SNX29: variants seen among roughly 807,000 people sequenced by gnomAD.
SNX29 encodes sorting nexin 29.
In SNX29, 78 loss-of-function variants were observed where a neutral mutation model predicts 102.1. That is an observed-to-expected ratio of 0.76 (90% CI 0.64 to 0.92). The LOEUF (loss-of-function observed/expected upper bound fraction) is 0.92, where lower values mean the gene tolerates loss of function less well. Among genes scored for constraint, SNX29 ranks in the 40% least tolerant of loss-of-function variants. SNX29 has a pLI of 0.00. For synonymous variants in SNX29, 580 were observed against 414.5 expected (o/e 1.40, Z -4.85); for missense variants, 1,280 against 1,061.7 (o/e 1.21, Z -2.86).
In SNX29 at chr16:12,554,751, T is replaced by C. The variant is rs563452579; in HGVS notation, c.2319-13755T>C. ...TTTCAGTTTGCATTTTCCTTAAGTG[T>C]ATTAGAACGTGCTCTCTCCCCCGCC... On this transcript the variant is annotated intron_variant, in intron 20 of 20. Transcript: ENST00000566228. Among the ~76,000 whole-genome samples, 19 of 152,234 alleles carry C rather than the reference T, an allele frequency of 1.2e-4. 2 individuals are homozygous for C. The highest frequency in any genetic ancestry group is 4.6e-4 in the African/African-American group (19 of 41,532).
intron 20 of SNX29, among the ~76,000 whole-genome samples, chr16:12,540,327 C>A (rs1007812272): frequency 6.6e-6 from 1 of 152,112 alleles, no homozygotes; most frequent in Admixed American, 6.5e-5. Flanking sequence ...GACCACAGCT[C>A]TTATGATTAA....
At chr16:12,064,884 C>T (rs1236430032) in intron 9 of SNX29, among the ~76,000 whole-genome samples, 2 of 152,242 alleles carry the variant, frequency 1.3e-5, no homozygotes, top group Non-Finnish European at 2.9e-5. Context: ...CATTCCCTCT[C>T]ATTCTGGAGC....
At chr16:12,567,663 G>A (rs1015925103) in intron 20 of SNX29, among the ~76,000 whole-genome samples, 2 of 152,172 alleles carry the variant, frequency 1.3e-5, no homozygotes, top group African/African-American at 4.8e-5. Context: ...TCAGGAGGCT[G>A]AGGTGAGAGG....
At chr16:12,239,632 G>A (rs931986631) in intron 14 of SNX29, among the ~76,000 whole-genome samples, 1 of 89,450 alleles carries the variant, frequency 1.1e-5, no homozygotes, top group Non-Finnish European at 2.0e-5. Context: ...GTGAGACCCT[G>A]TTTCTACAAA....
chr16:12,131,977 A>G (rs2054486129), intron 13 of SNX29, among the ~76,000 whole-genome samples: 1 of 152,034 alleles, frequency 6.6e-6, no homozygotes, highest in Non-Finnish European at 1.5e-5. Flanking sequence ...CACCTGGACC[A>G]CCCTTTTGCC....
intron 20 of SNX29, among the ~76,000 whole-genome samples, chr16:12,525,705 C>A (rs1434123058): frequency 7.7e-6 from 1 of 129,156 alleles, no homozygotes; most frequent in Non-Finnish European, 1.6e-5. Flanking sequence ...CCCACCCCCC[C>A]CCCCAAAAAA....
In SNX29 at chr16:12,219,053, T is replaced by C. The variant is rs182266500; in HGVS notation, c.1678+19370T>C. ...CCTCCCAAAGTGCTGGGATTACAGG[T>C]GTGAGCCACCGCGCCTGGCCCTGTT... On this transcript the variant is annotated intron_variant, in intron 14 of 20. Transcript: ENST00000566228. Among the ~76,000 whole-genome samples, 680 of 152,204 alleles carry C rather than the reference T, an allele frequency of 4.5e-3. 7 individuals are homozygous for C. Among genetic ancestry groups the C allele is most frequent in the African/African-American group, 0.015 (623 of 41,532 alleles).
intron 18 of SNX29, among the ~76,000 whole-genome samples, chr16:12,414,760 C>T (rs755289385): frequency 2.6e-5 from 4 of 152,192 alleles, no homozygotes; most frequent in Non-Finnish European, 5.9e-5. Context: ...GACTCTGTGT[C>T]TCCAAGGCTG....
At chr16:11,997,818 T>C (rs1207737346) in intron 1 of SNX29, among the ~76,000 whole-genome samples, 1 of 152,198 alleles carries the variant, frequency 6.6e-6, no homozygotes, top group Non-Finnish European at 1.5e-5. Context: ...ATGGATCTTT[T>C]ACACCATTTA....
intron 13 of SNX29, among the ~76,000 whole-genome samples, chr16:12,168,439 C>A (rs1386229567): frequency 2.0e-5 from 3 of 152,288 alleles, no homozygotes; most frequent in Non-Finnish European, 4.4e-5. Context: ...GAGAATCGAA[C>A]CAACTTTGTT....
chr16:12,200,934 G>A (rs556401642), intron 14 of SNX29, among the ~76,000 whole-genome samples: 1 of 152,314 alleles, frequency 6.6e-6, no homozygotes, highest in South Asian at 2.1e-4. Context: ...TGAATTCAGA[G>A]TTTCTAGTAT....
rs774693359 is a variant in SNX29, at chr16:12,421,547, A to T, written c.2037+18018A>T. On this transcript the variant is annotated intron_variant, in intron 18 of 20. Coordinates refer to ENST00000566228, the MANE Select transcript of SNX29 (RefSeq NM_032167.5). ...GAAAACACTGGCCTCTTACTCTGTA[A>T]CTGCAGCCGTAACTAGAATTTTCCT... Among the ~76,000 whole-genome samples, 115 of 152,348 alleles carry T rather than the reference A, an allele frequency of 7.5e-4. 1 individual carries two copies. Among genetic ancestry groups the T allele is most frequent in the Non-Finnish European group, 1.4e-3 (98 of 68,022 alleles).
intron 13 of SNX29, chr16:12,135,593 A>T: frequency 7.5e-7 from 1 of 1,342,066 alleles, no homozygotes. Context: ...CCCACGTGAG[A>T]ACCATGTGGT....
chr16:12,064,388 G>C (rs182065117), intron 9 of SNX29, among the ~76,000 whole-genome samples: 1 of 152,336 alleles, frequency 6.6e-6, no homozygotes, highest in Admixed American at 6.5e-5. Flanking sequence ...AGTCCTTGCA[G>C]ATTTCCTGTG....
intron 14 of SNX29, among the ~76,000 whole-genome samples, chr16:12,275,750 T>A (rs532396755): frequency 3.6e-4 from 55 of 152,178 alleles, no homozygotes; most frequent in African/African-American, 1.3e-3. Flanking sequence ...TTTATTGTTA[T>A]TTTTGACACA....
chr16:12,336,006 T>C (rs1030444765), intron 15 of SNX29, among the ~76,000 whole-genome samples: 1 of 152,160 alleles, frequency 6.6e-6, no homozygotes, highest in Non-Finnish European at 1.5e-5. Flanking sequence ...TCTGTCTGGG[T>C]CTGTGTTTGT....
In SNX29 at chr16:12,573,740, G is replaced by C; in HGVS notation, c.*5111G>C. 1 of 223,086 alleles carries C rather than the reference G, an allele frequency of 4.5e-6. No individual in the cohort carries two copies. 13.8% of individuals were successfully genotyped at this position (223,086 alleles called of 1,614,324 possible). ...ACACGGAATGGTGGATCGTACATTT[G>C]CACCCAGAGCTACTAAACGCTCAGT... On this transcript the variant is annotated 3_prime_UTR_variant, in exon 21 of 21. Transcript: ENST00000566228.
At chr16:12,424,830 A>T (rs1193854971) in intron 18 of SNX29, among the ~76,000 whole-genome samples, 2 of 152,236 alleles carry the variant, frequency 1.3e-5, no homozygotes, top group Non-Finnish European at 2.9e-5. Flanking sequence ...GGTTATAGTA[A>T]TGAGAGAGTA....
intron 9 of SNX29, among the ~76,000 whole-genome samples, chr16:12,063,689 C>T (rs993216402): frequency 1.3e-5 from 2 of 151,816 alleles, no homozygotes; most frequent in African/African-American, 4.8e-5. Context: ...TTTTCTAGTC[C>T]GTCTTTGCTC....
Sources: allele counts gnomAD v4.1 joint callset (sites outside exome capture counted in the v4.1 genomes callset), GRCh38; gene constraint gnomAD v4.1.1; transcripts MANE v1.5; gene names NCBI Gene and HGNC (gene_info 2026-07-23, HGNC 2026-07-21).